The following MTPN variants were observed in gnomAD, a reference collection of about 807,000 sequenced individuals.
MTPN encodes myotrophin.
MTPN carries 2 observed loss-of-function variants against 13.5 expected under a neutral mutation model. The ratio of observed to expected loss-of-function variants is 0.15; its 90% CI spans 0.06 to 0.47. The LOEUF (loss-of-function observed/expected upper bound fraction) is 0.47. Among genes scored for constraint, MTPN ranks in the 20% least tolerant of loss-of-function variants. The probability of loss-of-function intolerance (pLI) is 0.97; values close to 1 mark genes in which losing one functional copy is unlikely to be tolerated. For missense variants in MTPN, 79 were observed against 137.9 expected, an observed-to-expected ratio of 0.57 and a Z score of 2.14; for synonymous variants, 46 against 51.7, an observed-to-expected ratio of 0.89 and a Z score of 0.48.
chr7:135,955,826 C>T (rs1432719017), intron 1 of MTPN, among the ~76,000 whole-genome samples: 1 of 144,740 alleles, frequency 6.9e-6, no homozygotes, highest in Non-Finnish European at 1.5e-5. Context: ...TATGATTGAC[C>T]ATCTCAATGG....
chr7:135,975,205 T>C (rs1388702858), intron 1 of MTPN, among the ~76,000 whole-genome samples: 3 of 152,230 alleles, frequency 2.0e-5, no homozygotes, highest in Non-Finnish European at 2.9e-5. Flanking sequence ...TCCATCTTTA[T>C]TGGCATATAT....
At chr7:135,970,328 T>C (rs750825809) in intron 1 of MTPN, among the ~76,000 whole-genome samples, 5 of 152,174 alleles carry the variant, frequency 3.3e-5, no homozygotes, top group Non-Finnish European at 4.4e-5. Flanking sequence ...TTCACAGGCA[T>C]TGGGGAGGGG....
intron 3 of MTPN, among the ~76,000 whole-genome samples, chr7:135,942,893 A>C (rs1799236283): frequency 6.6e-6 from 1 of 152,222 alleles, no homozygotes; most frequent in African/African-American, 2.4e-5. Context: ...CTGTAGTCTA[A>C]AAGAGCTAAA....
chr7:135,934,416 T>C (rs1239399852), intron 3 of MTPN, among the ~76,000 whole-genome samples: 9 of 152,116 alleles, frequency 5.9e-5, no homozygotes, highest in African/African-American at 2.2e-4. Context: ...AGGAGAAAAG[T>C]CCACAGCAAG....
chr7:135,946,387 A>G (rs1210011080), intron 3 of MTPN, among the ~76,000 whole-genome samples: 1 of 152,246 alleles, frequency 6.6e-6, no homozygotes, highest in East Asian at 1.9e-4. Context: ...TGTAGCACTT[A>G]GGGAAGCATC....
At position 135,929,219 on chromosome 7, in the gene MTPN, G is replaced by A. The variant is rs1269566602; in HGVS notation, c.*707C>T. The A allele has an allele frequency of 6.0e-6, 1 of 166,952 alleles. No individual in the cohort carries two copies. Among genetic ancestry groups the A allele is most frequent in the Non-Finnish European group, 1.5e-5 (1 of 68,094 alleles). 10.3% of individuals were successfully genotyped at this position (166,952 alleles called of 1,614,324 possible). On this transcript the variant is annotated 3_prime_UTR_variant, in exon 4 of 4. Coordinates refer to ENST00000393085, the MANE Select transcript of MTPN (RefSeq NM_145808.4). ...GCATACTGGAATGGTTTCTCCTTTA[G>A]ACTTCCAAAACTTAAGATTTTATAA...
chr7:135,957,332 T>C (rs995822811), intron 1 of MTPN, among the ~76,000 whole-genome samples: 2 of 151,998 alleles, frequency 1.3e-5, no homozygotes, highest in Admixed American at 6.6e-5. Context: ...CTGGTGCTTC[T>C]AAGAGTAAGA....
Position 135,962,117 on chromosome 7 carries a change from T to G in MTPN, c.73-10487A>C, listed in dbSNP as rs141681979. ...TTGTACGTTACTATTTCACTGAATA[T>G]CAACAAAATATAATTATAACAGAAC... On this transcript the variant is annotated intron_variant, in intron 1 of 3. Transcript: ENST00000393085. Among the ~76,000 whole-genome samples, 570 of 152,004 alleles carry G rather than the reference T, an allele frequency of 3.7e-3. 5 individuals are homozygous for G. Among genetic ancestry groups the G allele is most frequent in the African/African-American group, 0.013 (540 of 41,484 alleles).
rs1584805006 is a variant in MTPN, at chr7:135,934,075, G to T, written c.271-4063C>A. ...TTGTACAGCGTGAGGAACTGTGAGT[G>T]AATTAAACCTCTTCTCTTCATAAAT... is the stretch of plus-strand genomic sequence containing the variant. On this transcript the variant is annotated intron_variant, in intron 3 of 3. Coordinates refer to ENST00000393085, the MANE Select transcript of MTPN (RefSeq NM_145808.4). Among the ~76,000 whole-genome samples the T allele has an allele frequency of 2.6e-5, 4 of 152,210 alleles. No individual in the cohort carries two copies. In the East Asian group the frequency reaches 7.7e-4, roughly 29 times the overall value.
intron 1 of MTPN, among the ~76,000 whole-genome samples, chr7:135,959,031 A>T (rs1308573764): frequency 6.6e-6 from 1 of 152,178 alleles, no homozygotes; most frequent in Non-Finnish European, 1.5e-5. Flanking sequence ...GAAATTAAAA[A>T]ATATTTTAGC....
At chr7:135,939,576 C>CAGG (rs1799172205) in intron 3 of MTPN, among the ~76,000 whole-genome samples, 1 of 4,730 alleles carries the variant, frequency 2.1e-4, no homozygotes, top group African/African-American at 4.8e-4. Flanking sequence ...AAAATGGGGG[C>CAGG]GGGGGGGGGG....
At position 135,927,629 on chromosome 7, in the gene MTPN, A is replaced by G; in HGVS notation, c.*2297T>C. 1.5e-6 allele frequency: 1 copy of G among 659,152 alleles called. No homozygotes were observed. The allele number at this position is 659,152 out of a possible 1,614,324, so 40.8% of individuals were successfully genotyped here. A position where few individuals can be genotyped will look rare whatever the true frequency, so the allele number is the denominator to read the frequency against. On this transcript the variant is annotated 3_prime_UTR_variant, in exon 4 of 4. Coordinates refer to ENST00000393085, the MANE Select transcript of MTPN (RefSeq NM_145808.4). ...TGAATTTGTCTGCCAAGTGGTTCAG[A>G]AATACATTATAAATAACCTAGTTAA... is the stretch of plus-strand genomic sequence containing the variant.
chr7:135,936,887 C>T (rs1385844679), intron 3 of MTPN, among the ~76,000 whole-genome samples: 1 of 152,128 alleles, frequency 6.6e-6, no homozygotes, highest in Non-Finnish European at 1.5e-5. Flanking sequence ...CTTCAAATGC[C>T]ACACTTGTAG....
At chr7:135,952,217 A>G (rs1448868547) in intron 1 of MTPN, among the ~76,000 whole-genome samples, 1 of 152,216 alleles carries the variant, frequency 6.6e-6, no homozygotes, top group Non-Finnish European at 1.5e-5. Context: ...GCAGATATTA[A>G]TAATCACATA....
intron 3 of MTPN, among the ~76,000 whole-genome samples, chr7:135,931,982 A>G (rs1799028506): frequency 6.6e-6 from 1 of 152,180 alleles, no homozygotes; most frequent in Admixed American, 6.5e-5. Flanking sequence ...CTTATTTTAA[A>G]TTACACAGTA....
At chr7:135,976,109 T>C (rs1799769034) in intron 1 of MTPN, among the ~76,000 whole-genome samples, 1 of 152,204 alleles carries the variant, frequency 6.6e-6, no homozygotes, top group Non-Finnish European at 1.5e-5. Context: ...TAAAATCACA[T>C]GTTAAGTTCT....
chr7:135,936,207 G>T (rs990268083), intron 3 of MTPN, among the ~76,000 whole-genome samples: 2 of 152,190 alleles, frequency 1.3e-5, no homozygotes, highest in African/African-American at 4.8e-5. Context: ...GATACAGGCC[G>T]GGCACAGTGG....
rs1051520098 is a variant in MTPN, at chr7:135,977,329, T to G, written c.-229A>C. On this transcript the variant is annotated 5_prime_UTR_variant, in exon 1 of 4. Coordinates refer to ENST00000393085, the MANE Select transcript of MTPN (RefSeq NM_145808.4). Reference sequence around the variant, plus strand: ...CCGGGCCCAGCAGAGAGGTTCCGCCTGGCCGAGGAGAGGCAGGAACCTTTA... The same window carrying G: ...CCGGGCCCAGCAGAGAGGTTCCGCCGGGCCGAGGAGAGGCAGGAACCTTTA... The G allele has an allele frequency of 1.2e-5, 7 of 576,676 alleles. No homozygotes were observed. Among genetic ancestry groups the G allele is most frequent in the South Asian group, 5.9e-5 (3 of 50,726 alleles). 35.7% of individuals were successfully genotyped at this position (576,676 alleles called of 1,614,324 possible). A position where few individuals can be genotyped will look rare whatever the true frequency, so the allele number is the denominator to read the frequency against.
Position 135,927,400 on chromosome 7 carries a change from T to A in MTPN, c.*2526A>T. 1 of 1,549,750 alleles carries A rather than the reference T, an allele frequency of 6.5e-7. No individual in the cohort carries two copies. Among genetic ancestry groups the A allele is most frequent in the Non-Finnish European group, 8.7e-7 (1 of 1,145,668 alleles). ...TTGTTAGTACACTACTATAAACAGGTAAACTACCTGTTTGTACTTGATATA... is the reference window on the plus strand; with the variant it reads ...TTGTTAGTACACTACTATAAACAGGAAAACTACCTGTTTGTACTTGATATA... On this transcript the variant is annotated 3_prime_UTR_variant, in exon 4 of 4. Coordinates refer to ENST00000393085, the MANE Select transcript of MTPN (RefSeq NM_145808.4).
Sources: allele counts gnomAD v4.1 joint callset (sites outside exome capture counted in the v4.1 genomes callset), GRCh38; gene constraint gnomAD v4.1.1; transcripts MANE v1.5; gene names NCBI Gene and HGNC (gene_info 2026-07-23, HGNC 2026-07-21).